NUDT12: variants seen among roughly 807,000 people sequenced by gnomAD.
NUDT12 encodes NAD-capped RNA hydrolase NUDT12.
Under a neutral mutation model 45.7 loss-of-function variants are expected in NUDT12, and 42 were observed. The observed-to-expected ratio is 0.92, with a 90% CI of 0.72 to 1.19. The LOEUF (loss-of-function observed/expected upper bound fraction) is 1.19, where lower values mean the gene tolerates loss of function less well. Ranked by LOEUF, NUDT12 falls within the 50% of genes most tolerant of loss-of-function variation. The pLI is 0.00. For missense variants in NUDT12, 590 were observed against 533.1 expected (o/e 1.11, Z -1.05); for synonymous variants, 206 against 179.7 (o/e 1.15, Z -1.17).
At chr5:103,562,387 T>C (rs1283491351) in intron 1 of NUDT12, among the ~76,000 whole-genome samples, 2 of 152,124 alleles carry the variant, frequency 1.3e-5, no homozygotes, top group Non-Finnish European at 2.9e-5. Flanking sequence ...CCTTAAGATA[T>C]TTTACTTTCT....
intron 6 of NUDT12, among the ~76,000 whole-genome samples, chr5:103,551,970 G>A (rs1748666884): frequency 6.6e-6 from 1 of 152,102 alleles, no homozygotes; most frequent in Non-Finnish European, 1.5e-5. Flanking sequence ...GTGAAGGAAT[G>A]GAATCTGAAA....
In NUDT12 at chr5:103,560,075, G is replaced by A; in HGVS notation, c.174C>T (p.His58=). The change falls in exon 2 of 7, where the codon CAC becomes CAT. Residue 58 remains histidine (H), a synonymous_variant. Coordinates refer to ENST00000230792, the MANE Select transcript of NUDT12 (RefSeq NM_031438.4). ...CAAGCAGAAATTGGACTATCTCTGG[G>A]TGCCCATTCCTTGCCGCATACATTA... The part of the protein sequence containing the change: ...TALMYAARNG[H]PEIVQFLLEK... 2 of 1,613,750 alleles carry A rather than the reference G, an allele frequency of 1.2e-6. No individual in the cohort carries two copies. The highest frequency in any genetic ancestry group is 2.2e-5 in the East Asian group (1 of 44,840).
At chr5:103,557,066 T>C (rs1011430018) in intron 3 of NUDT12, among the ~76,000 whole-genome samples, 1 of 151,732 alleles carries the variant, frequency 6.6e-6, no homozygotes, top group African/African-American at 2.4e-5. Context: ...CCAAGCACCA[T>C]GCAAGGAATT....
Position 103,554,743 on chromosome 5 carries a change from G to T in NUDT12, c.1075C>A (p.Pro359Thr). ...AAATTATTAAGAAATGGCTTACCAG[G>T]CTCAATAAATCCAGCAAGGCAAGTA... ...MFTCLAGFIE[P>T]GETIEDAVRR... is the part of the protein sequence containing the mutation. Residue 359 changes from proline (P) to threonine (T), a missense_variant, in exon 5 of 7, where the codon CCT (proline) becomes ACT (threonine). Physicochemically the swap from Pro to Thr is conservative, Grantham distance 38. Transcript: ENST00000230792. The T allele has an allele frequency of 7.3e-7, 1 of 1,364,436 alleles. No individual in the cohort carries two copies. Among genetic ancestry groups the T allele is most frequent in the Non-Finnish European group, 9.9e-7 (1 of 1,011,796 alleles). The allele number at this position is 1,364,436 out of a possible 1,614,324, so 84.5% of individuals were successfully genotyped here.
intron 2 of NUDT12, 154 bp from the exon 3 acceptor site, chr5:103,559,622 T>A (rs1216821605): frequency 4.3e-6 from 2 of 466,496 alleles, no homozygotes; most frequent in African/African-American, 4.1e-5. Context: ...TAGTTTACTA[T>A]TGGGAAGGTT....
At chr5:103,557,280 G>GTATATATATATATATATAT (rs1491335747) in intron 3 of NUDT12, among the ~76,000 whole-genome samples, 3 of 118,932 alleles carry the variant, frequency 2.5e-5, no homozygotes, top group African/African-American at 6.1e-5. Flanking sequence ...ATCTTAAAAT[G>GTATATATATATATATATAT]ATATATATAT....
chr5:103,561,845 A>T (rs974802125), intron 1 of NUDT12, among the ~76,000 whole-genome samples: 1 of 152,232 alleles, frequency 6.6e-6, no homozygotes, highest in Non-Finnish European at 1.5e-5. Context: ...TCCTTCAAAA[A>T]TACAGCGTCA....
At chr5:103,553,335 A>G (rs560678463) in intron 5 of NUDT12, among the ~76,000 whole-genome samples, 7 of 152,254 alleles carry the variant, frequency 4.6e-5, no homozygotes, top group African/African-American at 1.7e-4. Context: ...TAAAAGATAA[A>G]CATCTAAAAT....
At chr5:103,552,177 G>A (rs749913308) in intron 6 of NUDT12, 40 bp downstream of exon 6, 5 of 1,531,320 alleles carry the variant, frequency 3.3e-6, no homozygotes, top group Non-Finnish European at 3.6e-6. Context: ...ATACAGTCAG[G>A]GAACAATCAA....
Position 103,558,901 on chromosome 5 carries a change from C to T in NUDT12, c.774G>A (p.Leu258=). The change falls in exon 3 of 7, where the codon CTG becomes CTA. Residue 258 remains leucine (L), a synonymous_variant. Transcript: ENST00000230792. The stretch of plus-strand genomic sequence containing the variant: ...TACCAGCTTCTTTTTCTTTCAATTG[C>T]AGAAGGGCTGGCATAGGAGGATGAA... The part of the protein sequence containing the change: ...YFLHPPMPAL[L]QLKEKEAGVV... 1 of 1,567,562 alleles carries T rather than the reference C, an allele frequency of 6.4e-7. No homozygotes were observed. The highest frequency in any genetic ancestry group is 1.7e-4 in the Middle Eastern group (1 of 5,824).
intron 5 of NUDT12, among the ~76,000 whole-genome samples, chr5:103,553,936 C>A (rs1748731940): frequency 6.6e-6 from 1 of 151,896 alleles, no homozygotes; most frequent in African/African-American, 2.4e-5. Context: ...CCCCTACCTG[C>A]AAAATCACTG....
intron 4 of NUDT12, among the ~76,000 whole-genome samples, chr5:103,555,111 A>G (rs1326099065): frequency 6.6e-6 from 1 of 152,010 alleles, no homozygotes; most frequent in Non-Finnish European, 1.5e-5. Flanking sequence ...AGCAACATTT[A>G]TTCTGTACTT....
intron 5 of NUDT12, among the ~76,000 whole-genome samples, chr5:103,554,210 A>G (rs894941213): frequency 6.6e-6 from 1 of 152,116 alleles, no homozygotes; most frequent in Admixed American, 6.6e-5. Flanking sequence ...GGTTTCAGAT[A>G]CAGCAGTGGA....
chr5:103,557,157 G>A (rs1163688455), intron 3 of NUDT12, among the ~76,000 whole-genome samples: 1 of 151,180 alleles, frequency 6.6e-6, no homozygotes, highest in Non-Finnish European at 1.5e-5. Context: ...AGTAAACTGA[G>A]TCACAGAAAA....
At position 103,549,102 on chromosome 5, in the gene NUDT12, C is replaced by G. The variant is rs1748572856; in HGVS notation, c.*1759G>C. The G allele has an allele frequency of 6.6e-6, 1 of 152,072 alleles. No individual in the cohort carries two copies. The allele number at this position is 152,072 out of a possible 1,614,324, so 9.4% of individuals were successfully genotyped here. A position where few individuals can be genotyped will look rare whatever the true frequency, so the allele number is the denominator to read the frequency against. ...ACACTTGTTGATACTTTATATTCTA[C>G]TTTCCTATTTTAACATTATGAAAAC... On this transcript the variant is annotated 3_prime_UTR_variant, in exon 7 of 7. Transcript: ENST00000230792.
chr5:103,555,576 C>T (rs531570452), intron 4 of NUDT12, among the ~76,000 whole-genome samples: 67 of 152,102 alleles, frequency 4.4e-4, no homozygotes, highest in African/African-American at 1.5e-3. Context: ...CAGACATTAA[C>T]AGTAATGAAA....
rs1562616677 is a variant in NUDT12 at position 103,552,188 on chromosome 5, T to C, written c.1278+29A>G. The stretch of plus-strand genomic sequence containing the variant: ...ACCAATACAGTCAGGGAACAATCAA[T>C]AGAAGAAGGAAATTAAATTGAACTT... On this transcript the variant is annotated intron_variant, in intron 6 of 6. Transcript: ENST00000230792. 3.8e-6 allele frequency: 6 copies of C among 1,570,922 alleles called. No individual in the cohort carries two copies. In the South Asian group the frequency reaches 4.4e-5, roughly 12 times the overall value.
At chr5:103,551,193 T>C (rs1748644496) in intron 6 of NUDT12, among the ~76,000 whole-genome samples, 1 of 151,822 alleles carries the variant, frequency 6.6e-6, no homozygotes, top group South Asian at 2.1e-4. Context: ...GGATCATGGC[T>C]CATTGCAGCT....
At position 103,558,084 on chromosome 5, in the gene NUDT12, T is replaced by C. The variant is rs185549808; in HGVS notation, c.796+795A>G. On this transcript the variant is annotated intron_variant, in intron 3 of 6. Coordinates refer to ENST00000230792, the MANE Select transcript of NUDT12 (RefSeq NM_031438.4). ...TCTCTAGCCTAGCAGTCATTCTTAATCTTTTCCTTCATTATTATATATCCC... is the reference window on the plus strand; with the variant it reads ...TCTCTAGCCTAGCAGTCATTCTTAACCTTTTCCTTCATTATTATATATCCC... Among the ~76,000 whole-genome samples, 722 of 152,198 alleles carry C rather than the reference T, an allele frequency of 4.7e-3. 6 individuals carry two copies. The highest frequency in any genetic ancestry group is 0.016 in the African/African-American group (669 of 41,542).
Sources: gnomAD v4.1 joint callset for allele counts (sites outside exome capture counted in the v4.1 genomes callset) on GRCh38, gnomAD v4.1.1 for gene constraint, MANE v1.5 for transcripts, NCBI Gene and HGNC (gene_info 2026-07-23, HGNC 2026-07-21) for gene names.